Variants in ULK4 observed in about 807,000 individuals in gnomAD.
The protein encoded by ULK4 is unc-51 like kinase 4, also known as inactive serine/threonine-protein kinase ULK4.
A neutral mutation model predicts 160.6 loss-of-function variants in ULK4; 133 were observed. The ratio of observed to expected loss-of-function variants is 0.83; its 90% CI spans 0.72 to 0.96. The LOEUF is 0.96. Ranked by LOEUF, ULK4 falls within the 40% of genes least tolerant of loss-of-function variation. ULK4 has a pLI of 0.00. For missense variants in ULK4, 1,580 were observed against 1,499.5 expected, an observed-to-expected ratio of 1.05 and a Z score of -0.89; for synonymous variants, 534 against 539.8, an observed-to-expected ratio of 0.99 and a Z score of 0.15.
chr3:41,654,302 GTGCTATTTTACTAACAC>G (rs2034852612), intron 30 of ULK4, among the ~76,000 whole-genome samples: 1 of 152,138 alleles, frequency 6.6e-6, no homozygotes. Context: ...AGAATGAGAG[GTGCTATTTTACTAACAC>G]CTTTCAAAGA....
At chr3:41,839,289 G>A (rs1043944582) in intron 17 of ULK4, among the ~76,000 whole-genome samples, 1 of 151,854 alleles carries the variant, frequency 6.6e-6, no homozygotes, top group African/African-American at 2.4e-5. Flanking sequence ...AGAGTGAGCT[G>A]AGATCATGCC....
intron 35 of ULK4, among the ~76,000 whole-genome samples, chr3:41,287,059 G>C (rs183107769): frequency 6.6e-6 from 1 of 152,340 alleles, no homozygotes; most frequent in African/African-American, 2.4e-5. Flanking sequence ...GCAGAAGGCT[G>C]TGAAAGATGC....
At chr3:41,780,165 A>C (rs531491343) in intron 21 of ULK4, among the ~76,000 whole-genome samples, 1 of 151,496 alleles carries the variant, frequency 6.6e-6, no homozygotes, top group Non-Finnish European at 1.5e-5. Context: ...TACAAAAAAA[A>C]AGCCGAGTGT....
rs116322312 is a variant in ULK4 at position 41,452,255 on chromosome 3, A to C, written c.3492+3242T>G. Among the ~76,000 whole-genome samples the C allele has an allele frequency of 1.8e-3, 274 of 152,286 alleles. 1 individual carries two copies. The highest frequency in any genetic ancestry group is 6.4e-3 in the African/African-American group (266 of 41,554). ...CTAGGCCACTCCAGGGTAGAGAATT[A>C]AGTCTGCATTTCAAGTTTCATCTAC... On this transcript the variant is annotated intron_variant, in intron 34 of 36. Transcript: ENST00000301831.
chr3:41,549,606 A>C (rs1325995184), intron 32 of ULK4, among the ~76,000 whole-genome samples: 1 of 152,176 alleles, frequency 6.6e-6, no homozygotes, highest in East Asian at 1.9e-4. Context: ...GATAGGCAAC[A>C]GCATAGAAAA....
At chr3:41,604,099 G>A in intron 31 of ULK4, among the ~76,000 whole-genome samples, 1 of 152,070 alleles carries the variant, frequency 6.6e-6, no homozygotes, top group East Asian at 1.9e-4. Flanking sequence ...TATGTAAAGA[G>A]ACAGGAGAAA....
At position 41,293,137 on chromosome 3, in the gene ULK4, A is replaced by G. The variant is rs375715296; in HGVS notation, c.3679-43563T>C. ...TAAAAAAGAATAGGACTGGTAACCT[A>G]AAGAATATAAATAAGGTAGAAATGA... On this transcript the variant is annotated intron_variant, in intron 35 of 36. Transcript: ENST00000301831. Among the ~76,000 whole-genome samples the G allele has an allele frequency of 5.5e-4, 84 of 152,214 alleles. 1 individual carries two copies. In the East Asian group the frequency reaches 0.013, roughly 24 times the overall value.
intron 32 of ULK4, among the ~76,000 whole-genome samples, chr3:41,561,030 T>C (rs974257509): frequency 2.0e-5 from 3 of 152,244 alleles, no homozygotes; most frequent in Non-Finnish European, 4.4e-5. Context: ...TATTTTGAGA[T>C]ACGTTCCTTC....
chr3:41,702,439 C>T (rs1373318114), intron 27 of ULK4, among the ~76,000 whole-genome samples: 1 of 152,152 alleles, frequency 6.6e-6, no homozygotes, highest in African/African-American at 2.4e-5. Context: ...GTCATCCCGC[C>T]TGGCCCAGAC....
rs537790680 is a variant in ULK4, at chr3:41,516,978, T to A, written c.3226+49047A>T. ...TACTATGTACCCATAAACAATTTTT[T>A]AAAGGACCTGTATCCAAAGTATACA... On this transcript the variant is annotated intron_variant, in intron 32 of 36. Coordinates refer to ENST00000301831, the MANE Select transcript of ULK4 (RefSeq NM_017886.4). 6.6e-5 allele frequency among the ~76,000 whole-genome samples: 10 copies of A among 152,248 alleles called. No individual in the cohort carries two copies. The South Asian group carries it at 1.9e-3, about 28-fold the overall frequency.
chr3:41,953,422 C>A (rs755437728), intron 2 of ULK4, among the ~76,000 whole-genome samples: 3 of 151,322 alleles, frequency 2.0e-5, no homozygotes, highest in Non-Finnish European at 4.4e-5. Context: ...CCTGCCTCAG[C>A]CTCCTGAGTA....
chr3:41,566,068 T>C lies in ULK4; in HGVS notation c.3183A>G (p.Leu1061=), dbSNP rs145592978. Residue 1061 remains leucine, a synonymous_variant, in exon 32 of 37, where the codon CTA becomes CTG. Coordinates refer to ENST00000301831, the MANE Select transcript of ULK4 (RefSeq NM_017886.4). The stretch of plus-strand genomic sequence containing the variant: ...CCATATTCGAATCTTTGCAGGCAAC[T>C]AGATTGCTGAGTAATGCAATCACAC... ...MQSVIALLSN[L]VACKDSNMEL... The C allele has an allele frequency of 2.5e-6, 4 of 1,613,890 alleles. No homozygotes were observed. The highest frequency in any genetic ancestry group is 3.4e-6 in the Non-Finnish European group (4 of 1,179,940).
rs566502623 is a variant in ULK4, at chr3:41,648,804, C to G, written c.3071+14803G>C. Among the ~76,000 whole-genome samples the G allele has an allele frequency of 3.3e-5, 5 of 152,242 alleles. No homozygotes were observed. In the Middle Eastern group the frequency reaches 0.01, roughly 311 times the overall value. ...GCTCTCCAACATCACCAGTTTTACC[C>G]TTTCCAGGAGAGAAAGCATCAGAAA... On this transcript the variant is annotated intron_variant, in intron 30 of 36. Coordinates refer to ENST00000301831, the MANE Select transcript of ULK4 (RefSeq NM_017886.4).
At chr3:41,930,082 AAACT>A (rs985912485) in intron 5 of ULK4, among the ~76,000 whole-genome samples, 1 of 152,178 alleles carries the variant, frequency 6.6e-6, no homozygotes, top group African/African-American at 2.4e-5. Context: ...ACCTAACCTC[AAACT>A]ATACTACAAG....
At chr3:41,952,776 C>G (rs996112583) in intron 2 of ULK4, among the ~76,000 whole-genome samples, 3 of 152,160 alleles carry the variant, frequency 2.0e-5, no homozygotes, top group Admixed American at 6.5e-5. Flanking sequence ...ATTCATAGCA[C>G]CATTGTTCAC....
At chr3:41,960,973 C>T in intron 1 of ULK4, among the ~76,000 whole-genome samples, 1 of 152,126 alleles carries the variant, frequency 6.6e-6, no homozygotes, top group East Asian at 1.9e-4. Context: ...AGTTAACCAC[C>T]CCCTGACTTT....
chr3:41,295,008 G>T (rs1365381316), intron 35 of ULK4, among the ~76,000 whole-genome samples: 2 of 152,160 alleles, frequency 1.3e-5, no homozygotes, highest in African/African-American at 4.8e-5. Flanking sequence ...TATTGAAGAA[G>T]AACAAAGTTG....
rs1236528906 is a variant in ULK4, at chr3:41,949,533, T to G, written c.138+5089A>C. Among the ~76,000 whole-genome samples, 5 of 149,764 alleles carry G rather than the reference T, an allele frequency of 3.3e-5. No individual in the cohort carries two copies. In the East Asian group the frequency reaches 6.2e-4, roughly 18 times the overall value. ...CTGCAACCTCTGCCTTCCAGGTTCA[T>G]GCGATTCTCCTGCCTCAGCCTCCCA... On this transcript the variant is annotated intron_variant, in intron 2 of 36. Transcript: ENST00000301831.
chr3:41,652,888 A>C (rs1446838833), intron 30 of ULK4, among the ~76,000 whole-genome samples: 5 of 152,330 alleles, frequency 3.3e-5, no homozygotes, highest in South Asian at 2.1e-4. Context: ...ATGTGAACCC[A>C]AAATTTGATC....
Sources: allele counts gnomAD v4.1 joint callset (sites outside exome capture counted in the v4.1 genomes callset), GRCh38; gene constraint gnomAD v4.1.1; transcripts MANE v1.5; gene names NCBI Gene and HGNC (gene_info 2026-07-23, HGNC 2026-07-21).